LSAMP: variants seen among roughly 807,000 people sequenced by gnomAD.
LSAMP encodes the protein limbic system associated membrane protein.
In LSAMP, 7 loss-of-function variants were observed where a neutral mutation model predicts 38.6. The observed-to-expected ratio is 0.18, with a 90% confidence interval of 0.10 to 0.34. The LOEUF (loss-of-function observed/expected upper bound fraction) is 0.34. Ranked by LOEUF, LSAMP falls within the 10% of genes least tolerant of loss-of-function variation. The pLI is 1.00. For synonymous variants in LSAMP, 154 were observed against 166.8 expected (o/e 0.92, Z 0.59); for missense variants, 313 against 420.0 (o/e 0.75, Z 2.23).
chr3:116,195,302 T>G (rs1175753132), intron 1 of LSAMP, among the ~76,000 whole-genome samples: 2 of 152,218 alleles, frequency 1.3e-5, no homozygotes, highest in Admixed American at 6.5e-5. Flanking sequence ...TTCTTTATTT[T>G]AAAACTGAGT....
At chr3:116,071,949 A>G (rs1385439130) in intron 2 of LSAMP, among the ~76,000 whole-genome samples, 1 of 150,684 alleles carries the variant, frequency 6.6e-6, no homozygotes, top group Admixed American at 6.6e-5. Context: ...TTGTGGCTGC[A>G]TAGTATTCCA....
At chr3:115,955,616 A>T (rs1329717482) in intron 3 of LSAMP, among the ~76,000 whole-genome samples, 2 of 140,810 alleles carry the variant, frequency 1.4e-5, no homozygotes, top group African/African-American at 4.9e-5. Flanking sequence ...GCTGATGGGT[A>T]AAGAAGGGTC....
intron 6 of LSAMP, among the ~76,000 whole-genome samples, chr3:115,814,464 T>A (rs112401424): frequency 5.9e-4 from 90 of 152,346 alleles, no homozygotes; most frequent in African/African-American, 2.0e-3. Flanking sequence ...GCCAATTGAT[T>A]TGTTTTTCAG....
intron 3 of LSAMP, among the ~76,000 whole-genome samples, chr3:115,905,926 G>A (rs1380680634): frequency 6.6e-6 from 1 of 152,124 alleles, no homozygotes; most frequent in Non-Finnish European, 1.5e-5. Flanking sequence ...GACTGCTGAA[G>A]AAGTGGGATG....
chr3:115,945,685 G>A (rs1938073676), intron 3 of LSAMP, among the ~76,000 whole-genome samples: 1 of 151,966 alleles, frequency 6.6e-6, no homozygotes, highest in Admixed American at 6.6e-5. Context: ...CTTCTAATGT[G>A]ACTGGAAACT....
intron 1 of LSAMP, among the ~76,000 whole-genome samples, chr3:116,398,569 C>G (rs1451463946): frequency 6.6e-6 from 1 of 152,110 alleles, no homozygotes; most frequent in Non-Finnish European, 1.5e-5. Flanking sequence ...CTATGCAGCA[C>G]CTAGACTACA....
intron 1 of LSAMP, among the ~76,000 whole-genome samples, chr3:116,440,259 G>C (rs2049415441): frequency 6.6e-6 from 1 of 152,100 alleles, no homozygotes; most frequent in Non-Finnish European, 1.5e-5. Context: ...AGGATATTGA[G>C]GCAACCTCCT....
intron 3 of LSAMP, among the ~76,000 whole-genome samples, chr3:115,966,171 C>G (rs1424788280): frequency 6.6e-6 from 1 of 152,202 alleles, no homozygotes; most frequent in East Asian, 1.9e-4. Flanking sequence ...TTGGGTCTTT[C>G]TCCTGTTGCC....
At chr3:116,078,572 C>T (rs979441055) in intron 2 of LSAMP, among the ~76,000 whole-genome samples, 50 of 152,110 alleles carry the variant, frequency 3.3e-4, no homozygotes, top group African/African-American at 1.1e-3. Flanking sequence ...GTGATCCACC[C>T]GCCTCGGCCT....
chr3:116,374,229 G>C (rs1488746703), intron 1 of LSAMP, among the ~76,000 whole-genome samples: 2 of 151,854 alleles, frequency 1.3e-5, no homozygotes, highest in Non-Finnish European at 2.9e-5. Context: ...TTCTGCTGAG[G>C]ATAGCAGTGA....
At chr3:116,224,682 A>G (rs945881832) in intron 1 of LSAMP, among the ~76,000 whole-genome samples, 5 of 152,256 alleles carry the variant, frequency 3.3e-5, no homozygotes, top group Non-Finnish European at 7.3e-5. Context: ...CCTGAGAGAA[A>G]GGCTTGTCAA....
chr3:116,328,345 G>A (rs1056436860), intron 1 of LSAMP, among the ~76,000 whole-genome samples: 10 of 152,130 alleles, frequency 6.6e-5, no homozygotes, highest in African/African-American at 2.4e-4. Flanking sequence ...ATTCTTTATT[G>A]ATTTAAATTA....
intron 1 of LSAMP, among the ~76,000 whole-genome samples, chr3:116,201,558 C>T (rs772901275): frequency 5.9e-5 from 9 of 152,116 alleles, no homozygotes; most frequent in Non-Finnish European, 1.2e-4. Context: ...TGCTTGTTGC[C>T]TACAGGTTAA....
At chr3:116,007,125 C>A (rs1358216001) in intron 3 of LSAMP, among the ~76,000 whole-genome samples, 1 of 151,726 alleles carries the variant, frequency 6.6e-6, no homozygotes, top group Non-Finnish European at 1.5e-5. Context: ...TTTTTCTCTT[C>A]CCATCATCAG....
chr3:116,410,886 G>A (rs943328929), intron 1 of LSAMP, among the ~76,000 whole-genome samples: 3 of 151,932 alleles, frequency 2.0e-5, no homozygotes, highest in African/African-American at 4.8e-5. Flanking sequence ...TCTTTTTTGC[G>A]AACGGAGGGG....
At chr3:115,965,096 G>C (rs1237063808) in intron 3 of LSAMP, among the ~76,000 whole-genome samples, 2 of 152,048 alleles carry the variant, frequency 1.3e-5, no homozygotes, top group Non-Finnish European at 1.5e-5. Flanking sequence ...AATACGATAT[G>C]AGAGAGGGTC....
chr3:116,176,784 A>G (rs572877797), intron 1 of LSAMP, among the ~76,000 whole-genome samples: 5 of 152,178 alleles, frequency 3.3e-5, no homozygotes, highest in Non-Finnish European at 7.4e-5. Context: ...ATCAATAGGA[A>G]CAGAAACCAG....
At chr3:115,902,316 T>C (rs899134422) in intron 3 of LSAMP, among the ~76,000 whole-genome samples, 1 of 151,922 alleles carries the variant, frequency 6.6e-6, no homozygotes, top group Non-Finnish European at 1.5e-5. Flanking sequence ...AAGACAACAA[T>C]AGGAAACAAT....
intron 1 of LSAMP, among the ~76,000 whole-genome samples, chr3:116,120,370 G>A (rs1708847786): frequency 6.6e-6 from 1 of 152,096 alleles, no homozygotes. Context: ...ATCTAAGTGG[G>A]CTCTGGATTG....
Sources: allele counts gnomAD v4.1 joint callset (sites outside exome capture counted in the v4.1 genomes callset), GRCh38; gene constraint gnomAD v4.1.1; transcripts MANE v1.5; gene names NCBI Gene and HGNC (gene_info 2026-07-23, HGNC 2026-07-21).